The following KIF21A variants were observed in gnomAD, a reference collection of about 807,000 sequenced individuals.
KIF21A encodes the protein kinesin-like protein KIF21A.
KIF21A carries 114 observed loss-of-function variants against 202.9 expected under a neutral mutation model. That is an observed-to-expected ratio of 0.56 (90% CI 0.48 to 0.66). The LOEUF (loss-of-function observed/expected upper bound fraction) is 0.66, where lower values mean the gene tolerates loss of function less well. Ranked by LOEUF, KIF21A falls within the 30% of genes least tolerant of loss-of-function variation. KIF21A has a pLI of 0.00. For synonymous variants in KIF21A, 667 were observed against 670.8 expected (o/e 0.99, Z 0.09); for missense variants, 1,677 against 1,994.9 (o/e 0.84, Z 3.04).
chr12:39,418,234 A>G (rs969598934), intron 1 of KIF21A, among the ~76,000 whole-genome samples: 5 of 152,094 alleles, frequency 3.3e-5, no homozygotes, highest in African/African-American at 1.2e-4. Context: ...TAGACAGAAA[A>G]ACATCCAGAA....
At chr12:39,304,648 T>C (rs1254073302) in intron 35 of KIF21A, among the ~76,000 whole-genome samples, 173 bp downstream of exon 35, 1 of 151,862 alleles carries the variant, frequency 6.6e-6, no homozygotes, top group Non-Finnish European at 1.5e-5. Flanking sequence ...GAATGCATGA[T>C]TGAACAATAA....
In KIF21A at chr12:39,301,686, GA is replaced by G; in HGVS notation, c.4732-8del. 1 of 1,612,470 alleles carries G rather than the reference GA, an allele frequency of 6.2e-7. No homozygotes were observed. Among genetic ancestry groups the G allele is most frequent in the Non-Finnish European group, 8.5e-7 (1 of 1,178,738 alleles). ...TATGTGCATTTGGAACTTGCTAAAA[GA>G]AAAAAAGTGAAATCAGCAGCTTAAG... On this transcript the variant is annotated splice_region_variant and splice_polypyrimidine_tract_variant and intron_variant, in intron 36 of 37. Coordinates refer to ENST00000361418, the MANE Select transcript of KIF21A (RefSeq NM_001173464.2).
chr12:39,307,844 G>T (rs1943628327), intron 33 of KIF21A, 115 bp from the exon 34 acceptor site: 2 of 789,842 alleles, frequency 2.5e-6, no homozygotes, highest in Non-Finnish European at 2.2e-6. Flanking sequence ...GTGTCCTTTT[G>T]TCACTATATG....
At chr12:39,311,085 T>A (rs1943981354) in intron 32 of KIF21A, among the ~76,000 whole-genome samples, 1 of 152,020 alleles carries the variant, frequency 6.6e-6, no homozygotes, top group African/African-American at 2.4e-5. Context: ...TTGCTATGCA[T>A]CTTATTCTCT....
chr12:39,343,974 TGA>T (rs1456192929), intron 12 of KIF21A, among the ~76,000 whole-genome samples: 2 of 152,172 alleles, frequency 1.3e-5, no homozygotes, highest in African/African-American at 4.8e-5. Flanking sequence ...TAAAGATGCA[TGA>T]GAGACAGCAT....
At chr12:39,395,815 C>G (rs1205742197) in intron 1 of KIF21A, among the ~76,000 whole-genome samples, 1 of 144,400 alleles carries the variant, frequency 6.9e-6, no homozygotes. Flanking sequence ...GCACTCCAGC[C>G]TGGGTGACGA....
chr12:39,363,119 TGTA>T lies in KIF21A; in HGVS notation c.995_997del (p.Leu332del). 6.2e-7 allele frequency: 1 copy of T among 1,609,896 alleles called. No homozygotes were observed. The highest frequency in any genetic ancestry group is 8.5e-7 in the Non-Finnish European group (1 of 1,176,278). On this transcript the variant is annotated inframe_deletion, in exon 7 of 38. Transcript: ENST00000361418. ...ATACCTATTACCCCCGAGGGAATCCTGTAGTAGTCTTGTTAGCTTGGAATCTCT... is the reference window on the plus strand; with the variant it reads ...ATACCTATTACCCCCGAGGGAATCCTGTAGTCTTGTTAGCTTGGAATCTCT...
intron 17 of KIF21A, among the ~76,000 whole-genome samples, chr12:39,336,780 TC>T (rs1040419464): frequency 8.5e-5 from 13 of 152,164 alleles, no homozygotes; most frequent in Non-Finnish European, 5.9e-5. Flanking sequence ...AAACTTGCTA[TC>T]TTATATAATA....
intron 12 of KIF21A, among the ~76,000 whole-genome samples, chr12:39,342,386 G>A (rs1474103059): frequency 1.3e-5 from 2 of 152,116 alleles, no homozygotes; most frequent in Admixed American, 6.6e-5. Context: ...GAAAGCACGA[G>A]ACCTCGACAC....
intron 1 of KIF21A, among the ~76,000 whole-genome samples, chr12:39,433,008 G>A (rs188499318): frequency 5.9e-5 from 9 of 152,212 alleles, no homozygotes; most frequent in Middle Eastern, 3.4e-3. Context: ...AAAAACTGTA[G>A]GTACACATAT....
chr12:39,422,613 T>G (rs1031005076), intron 1 of KIF21A, among the ~76,000 whole-genome samples: 3 of 152,134 alleles, frequency 2.0e-5, no homozygotes, highest in African/African-American at 7.2e-5. Context: ...ATTAGCCACT[T>G]TTTCCCAGTT....
intron 1 of KIF21A, among the ~76,000 whole-genome samples, chr12:39,381,475 A>G (rs540813932): frequency 1.3e-4 from 20 of 152,292 alleles, no homozygotes; most frequent in Admixed American, 1.0e-3. Flanking sequence ...TCAAAATAAC[A>G]TTTTAAAAAT....
At chr12:39,391,555 T>C (rs1287667458) in intron 1 of KIF21A, among the ~76,000 whole-genome samples, 1 of 151,976 alleles carries the variant, frequency 6.6e-6, no homozygotes, top group African/African-American at 2.4e-5. Context: ...CTGGGCAACA[T>C]AGGAAGACCC....
intron 31 of KIF21A, among the ~76,000 whole-genome samples, chr12:39,313,496 T>G (rs1944229133): frequency 6.6e-6 from 1 of 151,896 alleles, no homozygotes; most frequent in Non-Finnish European, 1.5e-5. Context: ...ATGATATCCT[T>G]GTGGACAATG....
chr12:39,389,776 A>C (rs557689160), intron 1 of KIF21A, among the ~76,000 whole-genome samples: 1 of 152,150 alleles, frequency 6.6e-6, no homozygotes, highest in Admixed American at 6.5e-5. Flanking sequence ...ATCTATTGTT[A>C]TGAAGATGGA....
At chr12:39,402,866 C>T (rs1272153294) in intron 1 of KIF21A, among the ~76,000 whole-genome samples, 1 of 152,006 alleles carries the variant, frequency 6.6e-6, no homozygotes, top group Non-Finnish European at 1.5e-5. Flanking sequence ...GACACCCTTG[C>T]ATTATATTTA....
At chr12:39,332,519 A>G in intron 20 of KIF21A, 72 bp downstream of exon 20, 1 of 1,549,110 alleles carries the variant, frequency 6.5e-7, no homozygotes, top group Non-Finnish European at 8.8e-7. Flanking sequence ...AAATTTACCC[A>G]GGGAACAAAA....
At chr12:39,326,141 G>T in intron 25 of KIF21A, 123 bp downstream of exon 25, 2 of 793,522 alleles carry the variant, frequency 2.5e-6, no homozygotes, top group Admixed American at 2.0e-5. Flanking sequence ...CTGTTTCTAA[G>T]TGCTATTCAC....
chr12:39,312,277 G>T (rs1352538349), intron 31 of KIF21A: 2 of 151,986 alleles, frequency 1.3e-5, no homozygotes, highest in Non-Finnish European at 2.9e-5. Flanking sequence ...GGCACAGAAA[G>T]AGAAACATTG....
Sources: allele counts gnomAD v4.1 joint callset (sites outside exome capture counted in the v4.1 genomes callset), GRCh38; gene constraint gnomAD v4.1.1; transcripts MANE v1.5; gene names NCBI Gene and HGNC (gene_info 2026-07-23, HGNC 2026-07-21).